The following FKBP5 variants were observed in gnomAD, a reference collection of about 807,000 sequenced individuals.
FKBP5 encodes FKBP prolyl isomerase 5.
In FKBP5, 23 loss-of-function variants were observed where a neutral mutation model predicts 50.5. The ratio of observed to expected loss-of-function variants is 0.46; its 90% CI spans 0.33 to 0.65. FKBP5 has a LOEUF of 0.65. FKBP5 is among the 30% of genes least tolerant of loss of function. The pLI is 0.02. For missense variants in FKBP5, 411 were observed against 553.1 expected (o/e 0.74, Z 2.58); for synonymous variants, 176 against 190.6 (o/e 0.92, Z 0.63).
chr6:35,636,930 A>G (rs1764323596), intron 3 of FKBP5, 84 bp downstream of exon 3: 7 of 1,287,386 alleles, frequency 5.4e-6, no homozygotes, highest in Non-Finnish European at 7.2e-6. Flanking sequence ...CTTTACTTTT[A>G]GAAAGGATAG....
intron 2 of FKBP5, among the ~76,000 whole-genome samples, chr6:35,694,569 A>G (rs546165372): frequency 5.2e-4 from 79 of 152,272 alleles, no homozygotes; most frequent in African/African-American, 1.7e-3. Flanking sequence ...AAATATTTCC[A>G]TTTGCTGCTA....
At chr6:35,719,662 C>T (rs140861911) in intron 2 of FKBP5, among the ~76,000 whole-genome samples, 438 of 152,292 alleles carry the variant, frequency 2.9e-3, no homozygotes, top group African/African-American at 9.4e-3. Context: ...GACACCAACA[C>T]CCACAGACAG....
intron 9 of FKBP5, among the ~76,000 whole-genome samples, chr6:35,578,584 A>G (rs1259378308): frequency 6.6e-6 from 1 of 152,112 alleles, no homozygotes; most frequent in Non-Finnish European, 1.5e-5. Context: ...CCGGGCCAAC[A>G]TGGTGAAACC....
chr6:35,623,889 T>G (rs1014105918), intron 3 of FKBP5, among the ~76,000 whole-genome samples: 2 of 152,072 alleles, frequency 1.3e-5, no homozygotes, highest in Admixed American at 6.6e-5. Flanking sequence ...TCTGTAGATA[T>G]GGAGTCTTGC....
chr6:35,725,724 G>T (rs963392457), intron 1 of FKBP5, among the ~76,000 whole-genome samples: 1 of 152,154 alleles, frequency 6.6e-6, no homozygotes, highest in Non-Finnish European at 1.5e-5. Context: ...AAAGAAGGAA[G>T]TATAAATATA....
intron 3 of FKBP5, among the ~76,000 whole-genome samples, chr6:35,635,940 T>A (rs180717265): frequency 9.4e-4 from 143 of 152,260 alleles, no homozygotes; most frequent in African/African-American, 3.4e-3. Flanking sequence ...TGATACTACA[T>A]CAAAACTGTA....
chr6:35,576,415 T>A (rs1762216407), intron 10 of FKBP5, among the ~76,000 whole-genome samples: 1 of 152,136 alleles, frequency 6.6e-6, no homozygotes, highest in African/African-American at 2.4e-5. Flanking sequence ...CTCATGTCTA[T>A]AATCCCAGCA....
chr6:35,629,308 G>C (rs1009981014), intron 3 of FKBP5, among the ~76,000 whole-genome samples: 1 of 152,110 alleles, frequency 6.6e-6, no homozygotes, highest in Non-Finnish European at 1.5e-5. Context: ...GTTTCACCAT[G>C]TTGTCCAGGC....
chr6:35,635,318 C>A (rs1764278645), intron 3 of FKBP5, among the ~76,000 whole-genome samples: 1 of 152,072 alleles, frequency 6.6e-6, no homozygotes, highest in African/African-American at 2.4e-5. Flanking sequence ...GCCTGGGCAA[C>A]AGAGCGAGCC....
intron 3 of FKBP5, among the ~76,000 whole-genome samples, chr6:35,632,367 T>C (rs1295915459): frequency 1.3e-5 from 2 of 152,116 alleles, no homozygotes; most frequent in African/African-American, 4.8e-5. Context: ...CAAGATGTTA[T>C]AACACAGCTT....
At chr6:35,725,411 G>A (rs148703011) in intron 1 of FKBP5, among the ~76,000 whole-genome samples, 1 of 152,302 alleles carries the variant, frequency 6.6e-6, no homozygotes, top group Non-Finnish European at 1.5e-5. Flanking sequence ...CTGGCAAGGG[G>A]AGAGGGATCA....
intron 2 of FKBP5, among the ~76,000 whole-genome samples, chr6:35,701,197 CTG>C (rs1766175903): frequency 8.0e-6 from 1 of 125,684 alleles, no homozygotes; most frequent in African/African-American, 3.2e-5. Context: ...ACTAGGAGTG[CTG>C]TGTTTTTGTT....
intron 3 of FKBP5, among the ~76,000 whole-genome samples, chr6:35,624,204 A>G (rs989413045): frequency 2.0e-5 from 3 of 152,176 alleles, no homozygotes; most frequent in African/African-American, 7.2e-5. Context: ...GCTGGACCTC[A>G]GTGCTGTTTG....
intron 9 of FKBP5, among the ~76,000 whole-genome samples, chr6:35,579,617 A>T (rs974547417): frequency 2.0e-5 from 3 of 152,222 alleles, no homozygotes; most frequent in Admixed American, 1.3e-4. Context: ...ATAAATGATT[A>T]TAATAAAAAT....
At chr6:35,605,437 C>T (rs981548734) in intron 5 of FKBP5, among the ~76,000 whole-genome samples, 2 of 120,446 alleles carry the variant, frequency 1.7e-5, no homozygotes, top group Non-Finnish European at 3.3e-5. Context: ...ATTCCATTGC[C>T]CAGGCTGGAG....
intron 1 of FKBP5, among the ~76,000 whole-genome samples, chr6:35,647,350 G>C (rs1183552159): frequency 6.6e-6 from 1 of 152,210 alleles, no homozygotes; most frequent in Non-Finnish European, 1.5e-5. Context: ...CAAAAAGGTT[G>C]AACGACAGGA....
At chr6:35,595,521 C>A (rs1468122898) in intron 6 of FKBP5, among the ~76,000 whole-genome samples, 1 of 152,116 alleles carries the variant, frequency 6.6e-6, no homozygotes, top group Non-Finnish European at 1.5e-5. Context: ...GAGGGTGAGA[C>A]AGGCGGATCA....
In FKBP5 at chr6:35,709,948, A is replaced by C. The variant is rs767220732; in HGVS notation, c.-20+10380T>G. 3.1e-4 allele frequency among the ~76,000 whole-genome samples: 47 copies of C among 151,826 alleles called. 1 individual carries two copies. The highest frequency in any genetic ancestry group is 3.1e-4 in the Non-Finnish European group (21 of 67,996). ...CTCACGGGACAAACAGGGTAATGCG[A>C]TAAAAAGTCTTGAGAATTCCATTAG... On this transcript the variant is annotated intron_variant, in intron 2 of 11. Coordinates refer to the FKBP5 transcript ENST00000536438.
At chr6:35,597,224 G>A in intron 6 of FKBP5, 24 bp downstream of exon 6, 3 of 1,612,702 alleles carry the variant, frequency 1.9e-6, no homozygotes, top group Non-Finnish European at 2.5e-6. Flanking sequence ...ACTTCACTGT[G>A]TTCCAAACTG....
Sources: gnomAD v4.1 joint callset for allele counts (sites outside exome capture counted in the v4.1 genomes callset) on GRCh38, gnomAD v4.1.1 for gene constraint, MANE v1.5 for transcripts, NCBI Gene and HGNC (gene_info 2026-07-23, HGNC 2026-07-21) for gene names.